Variants in VPS8 observed in about 807,000 individuals in gnomAD.
VPS8 encodes VPS8 subunit of CORVET complex.
Under a neutral mutation model 216.4 loss-of-function variants are expected in VPS8, and 129 were observed. The ratio of observed to expected loss-of-function variants is 0.60; its 90% CI spans 0.52 to 0.69. The LOEUF is 0.69. Ranked by LOEUF, VPS8 falls within the 30% of genes least tolerant of loss-of-function variation. VPS8 has a pLI of 0.00. For missense variants in VPS8, 1,531 were observed against 1,683.5 expected, an observed-to-expected ratio of 0.91 and a Z score of 1.59; for synonymous variants, 571 against 565.4, an observed-to-expected ratio of 1.01 and a Z score of -0.14.
At chr3:185,028,367 T>C (rs6795958) in intron 46 of VPS8, among the ~76,000 whole-genome samples, 35,781 of 152,092 alleles carry the variant, frequency 0.24, 4,632 homozygotes, top group African/African-American at 0.35. Context: ...CCTAGGCAGA[T>C]AGAAGTGAGT....
intron 1 of VPS8, 80 bp downstream of exon 1, chr3:184,812,305 A>G (rs1715290409): frequency 1.3e-5 from 2 of 152,250 alleles, no homozygotes; most frequent in South Asian, 4.1e-4. Flanking sequence ...AGAGCGCGCG[A>G]CAGGTCTCTG....
Position 184,869,499 on chromosome 3 carries a change from A to G in VPS8, c.1615A>G (p.Ser539Gly). The G allele has an allele frequency of 1.9e-6, 3 of 1,613,590 alleles. No individual in the cohort carries two copies. Among genetic ancestry groups the G allele is most frequent in the Non-Finnish European group, 2.5e-6 (3 of 1,179,614 alleles). The change falls in exon 20 of 48, where the codon AGT becomes GGT. Residue 539 changes from serine to glycine, a missense_variant. Physicochemically the swap from Ser to Gly is moderately conservative, Grantham distance 56. Around this residue, in one of 3 missense-constraint regions of VPS8, gnomAD observed 1,318 missense variants for 1,468.4 expected, o/e 0.90. Coordinates refer to ENST00000625842, the MANE Select transcript of VPS8 (RefSeq NM_001009921.3). Reference protein sequence around the residue: ...KAVVGLSGDASKRKAIVADRM... With the variant: ...KAVVGLSGDAGKRKAIVADRM... Reference sequence around the variant, plus strand: ...CTCTGCAGGATTATCAGGGGATGCCAGTAAGCGAAAGGCTATTGTTGCAGA... The same window carrying G: ...CTCTGCAGGATTATCAGGGGATGCCGGTAAGCGAAAGGCTATTGTTGCAGA...
chr3:184,815,462 T>C (rs1716110194), intron 1 of VPS8, among the ~76,000 whole-genome samples: 1 of 152,178 alleles, frequency 6.6e-6, no homozygotes, highest in Non-Finnish European at 1.5e-5. Flanking sequence ...GTATATGTGG[T>C]CTGTCGTTGA....
At chr3:184,901,748 C>G (rs2108991185) in intron 25 of VPS8, among the ~76,000 whole-genome samples, 1 of 152,182 alleles carries the variant, frequency 6.6e-6, no homozygotes, top group East Asian at 1.9e-4. Context: ...CCATTCCTGA[C>G]CCCTAGCTGT....
chr3:185,046,207 T>G (rs1712867329), intron 46 of VPS8, among the ~76,000 whole-genome samples: 1 of 152,214 alleles, frequency 6.6e-6, no homozygotes, highest in Non-Finnish European at 1.5e-5. Context: ...GTTTTTGGAG[T>G]GAACAGAGAT....
rs182781247 is a variant in VPS8 at position 184,973,444 on chromosome 3, A to G, written c.3420+1692A>G. Among the ~76,000 whole-genome samples, 11 of 152,132 alleles carry G rather than the reference A, an allele frequency of 7.2e-5. No homozygotes were observed. The East Asian group carries it at 1.5e-3, about 21-fold the overall frequency. On this transcript the variant is annotated intron_variant, in intron 40 of 47. Transcript: ENST00000625842. ...CTTAATTGATGCATAATAATTATAC[A>G]TATTCGTGGGGTTAATGTGATATTT...
At chr3:184,923,633 C>A (rs574383507) in intron 29 of VPS8, among the ~76,000 whole-genome samples, 1 of 152,290 alleles carries the variant, frequency 6.6e-6, no homozygotes, top group African/African-American at 2.4e-5. Context: ...AGAATACATT[C>A]TAGATTCCTT....
intron 1 of VPS8, among the ~76,000 whole-genome samples, chr3:184,817,702 T>G (rs1716636915): frequency 6.6e-6 from 1 of 152,218 alleles, no homozygotes; most frequent in Non-Finnish European, 1.5e-5. Context: ...GTAATAACAC[T>G]GATAGATTTA....
chr3:184,869,492 G>T lies in VPS8; in HGVS notation c.1608G>T (p.Gly536=), dbSNP rs939452584. Residue 536 remains glycine (G), a synonymous_variant, in exon 20 of 48, where the codon GGG becomes GGT. Transcript: ENST00000625842. ...GKAKAVVGLS[G]DASKRKAIVA... is the part of the protein sequence containing the mutation. ...TTTCCTTCTCTGCAGGATTATCAGG[G>T]GATGCCAGTAAGCGAAAGGCTATTG... The T allele has an allele frequency of 3.7e-6, 6 of 1,613,442 alleles. No homozygotes were observed. The highest frequency in any genetic ancestry group is 5.1e-6 in the Non-Finnish European group (6 of 1,179,550).
At position 184,999,780 on chromosome 3, in the gene VPS8, C is replaced by T. The variant is rs758716273; in HGVS notation, c.3921C>T (p.Tyr1307=). The change falls in exon 45 of 48, where the codon TAC becomes TAT. Residue 1307 remains tyrosine, a synonymous_variant. Coordinates refer to ENST00000625842, the MANE Select transcript of VPS8 (RefSeq NM_001009921.3). ...EFEGQTRWTC[Y]KCSSSNKVGK... is the part of the protein sequence containing the mutation. ...AGGGCCAAACAAGATGGACATGCTA[C>T]AAATGCAGTTCAAGTAACAAAGTAG... The T allele has an allele frequency of 6.2e-7, 1 of 1,613,162 alleles. No individual in the cohort carries two copies. The highest frequency in any genetic ancestry group is 8.5e-7 in the Non-Finnish European group (1 of 1,179,570).
chr3:184,931,602 G>T (rs1317082537), intron 34 of VPS8, among the ~76,000 whole-genome samples: 2 of 152,122 alleles, frequency 1.3e-5, no homozygotes, highest in East Asian at 3.8e-4. Context: ...GAAATAACTG[G>T]CACGAAAGGT....
chr3:184,885,803 TC>T (rs1290862958), intron 21 of VPS8, among the ~76,000 whole-genome samples: 5 of 152,226 alleles, frequency 3.3e-5, no homozygotes, highest in African/African-American at 1.2e-4. Flanking sequence ...TCTTTTTTTT[TC>T]TTTCCCATTT....
At position 184,894,883 on chromosome 3, in the gene VPS8, G is replaced by T. The variant is rs781483084; in HGVS notation, c.1962G>T (p.Ala654=). 1.2e-6 allele frequency: 2 copies of T among 1,608,624 alleles called. No homozygotes were observed. The highest frequency in any genetic ancestry group is 1.7e-6 in the Non-Finnish European group (2 of 1,177,810). ...AAAAATTAATGGAAAATGTGGAAGC[G>T]CTCATTGTACATATGGATATCACCA... ...QDKKLMENVE[A]LIVHMDITSL... Residue 654 remains alanine (A), a synonymous_variant, in exon 23 of 48, where the codon GCG becomes GCT. Transcript: ENST00000625842.
At chr3:184,875,957 T>A (rs1298759639) in intron 21 of VPS8, among the ~76,000 whole-genome samples, 1 of 150,368 alleles carries the variant, frequency 6.7e-6, no homozygotes, top group African/African-American at 2.5e-5. Flanking sequence ...GGCACTGCAC[T>A]CCAACCTGGG....
At chr3:184,901,827 A>G (rs1734539340) in intron 25 of VPS8, among the ~76,000 whole-genome samples, 1 of 152,134 alleles carries the variant, frequency 6.6e-6, no homozygotes, top group African/African-American at 2.4e-5. Context: ...GCTGGATTGT[A>G]TGGTAAATAT....
chr3:184,913,456 A>G, intron 25 of VPS8, 63 bp from the exon 26 acceptor site: 1 of 1,401,732 alleles, frequency 7.1e-7, no homozygotes, highest in Non-Finnish European at 9.8e-7. Context: ...TTCTACATAA[A>G]GATTATTTTT....
At chr3:184,822,219 A>G (rs1321230828) in intron 1 of VPS8, among the ~76,000 whole-genome samples, 1 of 152,166 alleles carries the variant, frequency 6.6e-6, no homozygotes, top group Non-Finnish European at 1.5e-5. Context: ...AGTGGCCACA[A>G]CAGCAGACCT....
At chr3:184,914,168 G>T (rs999376896) in intron 26 of VPS8, among the ~76,000 whole-genome samples, 2 of 152,188 alleles carry the variant, frequency 1.3e-5, no homozygotes, top group African/African-American at 4.8e-5. Context: ...CATCATTTGA[G>T]CTCATATCTA....
intron 25 of VPS8, among the ~76,000 whole-genome samples, chr3:184,912,994 G>C (rs764615363): frequency 6.6e-6 from 1 of 152,118 alleles, no homozygotes; most frequent in Non-Finnish European, 1.5e-5. Context: ...TCAGAGAACA[G>C]GCTCGTATCA....
Sources: allele counts gnomAD v4.1 joint callset (sites outside exome capture counted in the v4.1 genomes callset), GRCh38; gene constraint gnomAD v4.1.1; regional missense constraint gnomAD v4.1.1; transcripts MANE v1.5; gene names NCBI Gene and HGNC (gene_info 2026-07-23, HGNC 2026-07-21).